The following LGSN variants were observed in gnomAD, a reference collection of about 807,000 sequenced individuals.
LGSN encodes lengsin, lens protein with glutamine synthetase domain, also known as lengsin.
Under a neutral mutation model 19.5 loss-of-function variants are expected in LGSN, and 21 were observed. The observed-to-expected ratio is 1.07, with a 90% CI of 0.76 to 1.55. The LOEUF (loss-of-function observed/expected upper bound fraction) is 1.55. Among genes scored for constraint, LGSN ranks in the 40% most tolerant of loss-of-function variants. The probability of loss-of-function intolerance (pLI) is 0.00; values close to 1 mark genes in which losing one functional copy is unlikely to be tolerated. For missense variants in LGSN, 673 were observed against 608.5 expected (o/e 1.11, Z -1.12); for synonymous variants, 257 against 215.6 (o/e 1.19, Z -1.68).
At chr6:63,410,711 A>C in the LGSN span, among the ~76,000 whole-genome samples, 1 of 152,330 alleles carries the variant, frequency 6.6e-6, no homozygotes, top group East Asian at 1.9e-4. Flanking sequence ...GAAATTGTTA[A>C]GCTATTCAAG....
the LGSN span, among the ~76,000 whole-genome samples, chr6:63,494,899 T>C: frequency 6.6e-6 from 1 of 152,236 alleles, no homozygotes; most frequent in Non-Finnish European, 1.5e-5. Context: ...CGAAACAAGA[T>C]ACTTACTGGA....
chr6:63,529,165 ATATATATATATGTATATATATGTGTG>A, the LGSN span, among the ~76,000 whole-genome samples: 1 of 43,514 alleles, frequency 2.3e-5, no homozygotes, highest in Middle Eastern at 0.011. Context: ...ATATGTGTGT[ATATATATATATGTATATATATGTGTG>A]TATATATATA....
chr6:63,290,716 T>C (rs369220117), intron 2 of LGSN, among the ~76,000 whole-genome samples: 9 of 152,302 alleles, frequency 5.9e-5, no homozygotes, highest in African/African-American at 2.2e-4. Context: ...GTGTAGGCCA[T>C]ATGGTATTCG....
chr6:63,352,586 G>A, the LGSN span, among the ~76,000 whole-genome samples: 1 of 151,742 alleles, frequency 6.6e-6, no homozygotes, highest in South Asian at 2.1e-4. Flanking sequence ...GCTTGAACCT[G>A]GGACATCAAG....
chr6:63,565,963 C>T, the LGSN span, among the ~76,000 whole-genome samples: 89 of 152,292 alleles, frequency 5.8e-4, no homozygotes, highest in African/African-American at 2.0e-3. Flanking sequence ...GGAGATATTG[C>T]AAGTTCAGCT....
At chr6:63,344,420 G>C in the LGSN span, among the ~76,000 whole-genome samples, 2 of 152,194 alleles carry the variant, frequency 1.3e-5, no homozygotes, top group Admixed American at 6.5e-5. Context: ...TTGTCATTAT[G>C]AAGCCTTTCT....
chr6:63,518,646 C>G, the LGSN span, among the ~76,000 whole-genome samples: 1 of 152,170 alleles, frequency 6.6e-6, no homozygotes, highest in Admixed American at 6.5e-5. Context: ...GGATTTAACT[C>G]TAGGTCTCTT....
the LGSN span, among the ~76,000 whole-genome samples, chr6:63,448,983 G>A: frequency 2.0e-4 from 30 of 152,256 alleles, 2 homozygotes; most frequent in East Asian, 4.6e-3. Context: ...CACTGTATTT[G>A]ATATTATAAG....
chr6:63,549,364 C>A, the LGSN span: 1 of 754,398 alleles, frequency 1.3e-6, no homozygotes, highest in Non-Finnish European at 2.4e-6. Context: ...GGTTAGGTCT[C>A]TTTTGGGCTG....
At chr6:63,286,955 C>T (rs1762614340) in intron 2 of LGSN, among the ~76,000 whole-genome samples, 1 of 152,150 alleles carries the variant, frequency 6.6e-6, no homozygotes, top group African/African-American at 2.4e-5. Context: ...ATTACTCTAG[C>T]CCAAGTAAAT....
At chr6:63,457,934 C>G in the LGSN span, among the ~76,000 whole-genome samples, 3 of 152,060 alleles carry the variant, frequency 2.0e-5, no homozygotes, top group Admixed American at 1.3e-4. Flanking sequence ...TTAACTAATA[C>G]TTTCACATAT....
At chr6:63,395,484 A>C in the LGSN span, 1 of 152,220 alleles carries the variant, frequency 6.6e-6, no homozygotes, top group Non-Finnish European at 1.5e-5. Context: ...ATTCACCAGG[A>C]AAAACCAGCT....
chr6:63,315,602 TTCTC>T (rs539021063), intron 1 of LGSN, among the ~76,000 whole-genome samples: 1 of 129,404 alleles, frequency 7.7e-6, no homozygotes, highest in South Asian at 2.6e-4. Flanking sequence ...AGCTAAAATG[TTCTC>T]TCTCTCTCTC....
chr6:63,414,248 AT>A, the LGSN span, among the ~76,000 whole-genome samples: 1,897 of 152,268 alleles, frequency 0.012, 27 homozygotes, highest in African/African-American at 0.041. Context: ...CAAAAAAAAA[AT>A]ATTAGTCTTT....
At chr6:63,326,569 G>A in the LGSN span, among the ~76,000 whole-genome samples, 26 of 152,082 alleles carry the variant, frequency 1.7e-4, no homozygotes, top group East Asian at 4.6e-3. Flanking sequence ...CAGGCATGGC[G>A]GGCTGCAGGT....
chr6:63,405,509 G>A, the LGSN span, among the ~76,000 whole-genome samples: 2 of 152,196 alleles, frequency 1.3e-5, no homozygotes, highest in Non-Finnish European at 2.9e-5. Context: ...TAACTGGTGT[G>A]AGATGGTATC....
At chr6:63,344,636 A>T in the LGSN span, among the ~76,000 whole-genome samples, 1 of 152,148 alleles carries the variant, frequency 6.6e-6, no homozygotes, top group African/African-American at 2.4e-5. Flanking sequence ...AATGGTGGAC[A>T]TTGTAAGAAT....
At chr6:63,516,667 G>T in the LGSN span, among the ~76,000 whole-genome samples, 1 of 152,178 alleles carries the variant, frequency 6.6e-6, no homozygotes, top group Non-Finnish European at 1.5e-5. Flanking sequence ...TTCTTAGCAG[G>T]ACACACAGGT....
chr6:63,402,103 T>G, the LGSN span, among the ~76,000 whole-genome samples: 3 of 152,140 alleles, frequency 2.0e-5, no homozygotes, highest in African/African-American at 7.2e-5. Context: ...AAGGTGGATG[T>G]GGAAGTTTGA....
Sources: gnomAD v4.1 joint callset for allele counts (sites outside exome capture counted in the v4.1 genomes callset) on GRCh38, gnomAD v4.1.1 for gene constraint, MANE v1.5 for transcripts, NCBI Gene and HGNC (gene_info 2026-07-23, HGNC 2026-07-21) for gene names.